The following LDLRAD4 variants were observed in gnomAD, a reference collection of about 807,000 sequenced individuals.
The protein encoded by LDLRAD4 is low density lipoprotein receptor class A domain containing 4.
A neutral mutation model predicts 17.0 loss-of-function variants in LDLRAD4; 5 were observed. The ratio of observed to expected loss-of-function variants is 0.29; its 90% CI spans 0.15 to 0.62. LDLRAD4 has a LOEUF of 0.62. Among genes scored for constraint, LDLRAD4 ranks in the 20% least tolerant of loss-of-function variants. The pLI, the probability that LDLRAD4 is intolerant of heterozygous loss-of-function variation, is 0.84. For synonymous variants in LDLRAD4, 168 were observed against 171.8 expected, an observed-to-expected ratio of 0.98 and a Z score of 0.17; for missense variants, 340 against 424.7, an observed-to-expected ratio of 0.80 and a Z score of 1.75.
intron 3 of LDLRAD4, among the ~76,000 whole-genome samples, chr18:13,586,723 T>C (rs2094940338): frequency 6.6e-6 from 1 of 151,860 alleles, no homozygotes; most frequent in East Asian, 1.9e-4. Flanking sequence ...ATCCCGTCTC[T>C]ACAAAAATAC....
intron 3 of LDLRAD4, among the ~76,000 whole-genome samples, chr18:13,462,444 C>T (rs999318525): frequency 2.6e-5 from 4 of 152,154 alleles, no homozygotes; most frequent in Non-Finnish European, 5.9e-5. Context: ...CCAGACCACA[C>T]AGCCAGGTAG....
At position 13,457,438 on chromosome 18, in the gene LDLRAD4, G is replaced by A. The variant is rs142659641; in HGVS notation, c.181+19054G>A. Among the ~76,000 whole-genome samples, 11 of 152,288 alleles carry A rather than the reference G, an allele frequency of 7.2e-5. No homozygotes were observed. In the East Asian group the frequency reaches 2.1e-3, roughly 29 times the overall value. ...CCTGTCCTCTTGGATTTTTATGGGC[G>A]CTTCTTGATGTCAGCTTTCTTCCCC... On this transcript the variant is annotated intron_variant, in intron 3 of 5. Coordinates refer to ENST00000359446, the Ensembl canonical transcript of LDLRAD4.
chr18:13,394,562 G>A (rs1452972263), intron 2 of LDLRAD4, among the ~76,000 whole-genome samples: 1 of 152,192 alleles, frequency 6.6e-6, no homozygotes, highest in Non-Finnish European at 1.5e-5. Flanking sequence ...TGTGACAGAT[G>A]AGTTTGTTTG....
chr18:13,328,635 A>G (rs781143853), intron 1 of LDLRAD4, among the ~76,000 whole-genome samples: 3 of 152,250 alleles, frequency 2.0e-5, no homozygotes, highest in East Asian at 1.9e-4. Flanking sequence ...TCAACTTTGT[A>G]TAAGGCTCTG....
At chr18:13,595,271 T>A (rs1045164163) in intron 3 of LDLRAD4, among the ~76,000 whole-genome samples, 1 of 152,188 alleles carries the variant, frequency 6.6e-6, no homozygotes, top group Non-Finnish European at 1.5e-5. Flanking sequence ...TTGTTTTAAT[T>A]TATTCCTTTT....
chr18:13,463,030 C>A (rs938899205), intron 3 of LDLRAD4, among the ~76,000 whole-genome samples: 4 of 152,186 alleles, frequency 2.6e-5, no homozygotes, highest in African/African-American at 9.7e-5. Context: ...ACAGGGCAAG[C>A]AGAGCATTTT....
At chr18:13,469,699 A>G (rs2092717167) in intron 3 of LDLRAD4, among the ~76,000 whole-genome samples, 1 of 152,254 alleles carries the variant, frequency 6.6e-6, no homozygotes, top group Non-Finnish European at 1.5e-5. Flanking sequence ...GAAGTGGATT[A>G]GAGGTTACCA....
intron 3 of LDLRAD4, among the ~76,000 whole-genome samples, chr18:13,598,515 T>A (rs969694842): frequency 6.6e-6 from 1 of 152,244 alleles, no homozygotes; most frequent in Non-Finnish European, 1.5e-5. Flanking sequence ...ATTTTTGATC[T>A]AGCCTTTGAG....
intron 1 of LDLRAD4, among the ~76,000 whole-genome samples, chr18:13,291,204 T>A (rs908854101): frequency 2.0e-5 from 3 of 152,130 alleles, no homozygotes; most frequent in African/African-American, 4.8e-5. Context: ...TGCTGACGTC[T>A]TTACACCTCT....
chr18:13,548,510 T>C (rs2094396360), intron 3 of LDLRAD4, among the ~76,000 whole-genome samples: 1 of 152,198 alleles, frequency 6.6e-6, no homozygotes. Flanking sequence ...ACTCCAAGTA[T>C]GTGCACACCT....
intron 3 of LDLRAD4, chr18:13,522,106 A>T (rs951828263): frequency 1.5e-4 from 23 of 151,988 alleles, no homozygotes; most frequent in African/African-American, 5.3e-4. Flanking sequence ...AAACTGGAAA[A>T]TATTTCCCAT....
At chr18:13,277,891 G>T (rs537692935), upstream of LDLRAD4, among the ~76,000 whole-genome samples, 2 of 152,250 alleles carry the variant, frequency 1.3e-5, no homozygotes, top group East Asian at 1.9e-4. Flanking sequence ...AGGCAGAGGG[G>T]GATTTTGTCC....
chr18:13,577,279 G>T (rs1458258842), intron 3 of LDLRAD4, among the ~76,000 whole-genome samples: 1 of 152,104 alleles, frequency 6.6e-6, no homozygotes, highest in Non-Finnish European at 1.5e-5. Context: ...ATATTTCAGG[G>T]GTTGTGTAAT....
intron 3 of LDLRAD4, chr18:13,611,433 A>ACAGACTC (rs1292358564): frequency 1.0e-6 from 1 of 985,040 alleles, no homozygotes; most frequent in African/African-American, 1.7e-5. Flanking sequence ...GAAAACTGCG[A>ACAGACTC]CAGACTCGCA....
At chr18:13,242,977 C>A (rs1567924734) in intron 1 of LDLRAD4, among the ~76,000 whole-genome samples, 1 of 152,222 alleles carries the variant, frequency 6.6e-6, no homozygotes, top group Non-Finnish European at 1.5e-5. Context: ...CTTCTCCCTG[C>A]CGGCCTGCTC....
intron 1 of LDLRAD4, among the ~76,000 whole-genome samples, chr18:13,369,060 T>C (rs2084273243): frequency 6.6e-6 from 1 of 152,172 alleles, no homozygotes; most frequent in Non-Finnish European, 1.5e-5. Flanking sequence ...GTGTCAGCGG[T>C]GAGCTGGACG....
intron 3 of LDLRAD4, among the ~76,000 whole-genome samples, chr18:13,566,367 C>CTTTTT (rs11462818): frequency 2.8e-5 from 4 of 143,496 alleles, no homozygotes; most frequent in South Asian, 2.2e-4. Context: ...ATGCCTTAGA[C>CTTTTT]TTTTTTTTTT....
At chr18:13,642,697 C>T in intron 4 of LDLRAD4, 9 of 1,231,640 alleles carry the variant, frequency 7.3e-6, no homozygotes, top group South Asian at 4.1e-5. Flanking sequence ...CCAGCCTGCC[C>T]TCATCGGGCG....
chr18:13,311,432 C>T (rs2047226308), intron 1 of LDLRAD4, among the ~76,000 whole-genome samples: 1 of 152,212 alleles, frequency 6.6e-6, no homozygotes, highest in African/African-American at 2.4e-5. Context: ...GCTTCTGCCA[C>T]ACTCCCAGGG....
Sources: allele counts gnomAD v4.1 joint callset (sites outside exome capture counted in the v4.1 genomes callset), GRCh38; gene constraint gnomAD v4.1.1; transcripts MANE v1.5; gene names NCBI Gene and HGNC (gene_info 2026-07-23, HGNC 2026-07-21).